CSMD1: variants seen among roughly 807,000 people sequenced by gnomAD.
CSMD1 encodes the protein CUB and Sushi multiple domains 1.
In CSMD1, 213 loss-of-function variants were observed where a neutral mutation model predicts 417.5. The ratio of observed to expected loss-of-function variants is 0.51; its 90% CI spans 0.46 to 0.57. The LOEUF (loss-of-function observed/expected upper bound fraction) is 0.57, where lower values mean the gene tolerates loss of function less well. Ranked by LOEUF, CSMD1 falls within the 20% of genes least tolerant of loss-of-function variation. The pLI, the probability that CSMD1 is intolerant of heterozygous loss-of-function variation, is 0.00. For synonymous variants in CSMD1, 2,862 were observed against 1,736.8 expected, an observed-to-expected ratio of 1.65 and a Z score of -16.11; for missense variants, 6,923 against 4,529.7, an observed-to-expected ratio of 1.53 and a Z score of -15.17.
chr8:4,895,694 T>A (rs1455037909), intron 1 of CSMD1, among the ~76,000 whole-genome samples: 1 of 147,144 alleles, frequency 6.8e-6, no homozygotes, highest in Admixed American at 6.8e-5. Flanking sequence ...CCTTCCCTGA[T>A]TTTTTTTTTT....
intron 41 of CSMD1, chr8:3,128,353 C>T (rs193018201): frequency 1.3e-5 from 2 of 152,606 alleles, no homozygotes; most frequent in Non-Finnish European, 2.9e-5. Flanking sequence ...TTGATTTTAC[C>T]AAAGTTCTTA....
chr8:4,580,547 C>A (rs532944984), intron 2 of CSMD1, among the ~76,000 whole-genome samples: 1 of 152,236 alleles, frequency 6.6e-6, no homozygotes, highest in Admixed American at 6.5e-5. Context: ...TGAGTTGTTC[C>A]CCATGTCGGG....
At chr8:4,461,548 T>C (rs1163095293) in intron 2 of CSMD1, among the ~76,000 whole-genome samples, 1 of 104,738 alleles carries the variant, frequency 9.5e-6, no homozygotes, top group Admixed American at 1.1e-4. Flanking sequence ...TATTTTTTTT[T>C]GGTGGGTGGG....
intron 2 of CSMD1, among the ~76,000 whole-genome samples, chr8:4,461,315 G>A (rs191093535): frequency 1.3e-5 from 2 of 151,990 alleles, no homozygotes; most frequent in East Asian, 1.9e-4. Flanking sequence ...CCTAAAATCA[G>A]CAATAAGACA....
intron 3 of CSMD1, among the ~76,000 whole-genome samples, chr8:4,041,015 TCC>T (rs766611370): frequency 0.15 from 19,314 of 125,804 alleles, 2,073 homozygotes; most frequent in East Asian, 0.42. Flanking sequence ...TTTTTTTTTT[TCC>T]TTTTTTTTTT....
intron 6 of CSMD1, among the ~76,000 whole-genome samples, chr8:3,732,468 T>C (rs1564552): frequency 0.34 from 52,198 of 151,898 alleles, 9,323 homozygotes; most frequent in Non-Finnish European, 0.4. Flanking sequence ...GTAATTTAAC[T>C]ACAAAAAACA....
Position 3,142,499 on chromosome 8 carries a change from C to A in CSMD1, c.6207G>T (p.Ser2069=), listed in dbSNP as rs190880525. 8.1e-6 allele frequency: 13 copies of A among 1,613,852 alleles called. No homozygotes were observed. The highest frequency in any genetic ancestry group is 6.7e-5 in the East Asian group (3 of 44,876). The part of the protein sequence containing the change: ...ETLIHFYSDH[S]QNRQGFKLAY... ...CAAGTTTAAATCCTTGCCGGTTTTG[C>A]GAATGGTCACTATAAAAGTGGATGA... The change falls in exon 41 of 70, where the codon TCG becomes TCT. Residue 2069 remains serine (S), a synonymous_variant. Transcript: ENST00000635120.
chr8:3,858,939 T>G (rs1804503850), intron 5 of CSMD1, among the ~76,000 whole-genome samples: 1 of 152,174 alleles, frequency 6.6e-6, no homozygotes, highest in Admixed American at 6.6e-5. Context: ...TGAAGTCAGT[T>G]TCAGCAGTGG....
At chr8:3,274,912 C>T (rs1037845604) in intron 26 of CSMD1, among the ~76,000 whole-genome samples, 6 of 152,112 alleles carry the variant, frequency 3.9e-5, no homozygotes, top group African/African-American at 1.4e-4. Context: ...TTAATTGGTG[C>T]ATTTAGTCCA....
intron 22 of CSMD1, 68 bp downstream of exon 22, chr8:3,347,924 A>G: frequency 2.7e-6 from 3 of 1,099,442 alleles, no homozygotes; most frequent in Non-Finnish European, 3.9e-6. Flanking sequence ...TATGTAGAAA[A>G]ATAGATAGAC....
intron 23 of CSMD1, among the ~76,000 whole-genome samples, chr8:3,314,183 A>G (rs1177540375): frequency 2.0e-5 from 3 of 152,202 alleles, no homozygotes; most frequent in Non-Finnish European, 4.4e-5. Flanking sequence ...TGACTAGTTA[A>G]TGGGTGCAGC....
Position 3,592,874 on chromosome 8 carries a change from C to G in CSMD1, c.1098-6614G>C, listed in dbSNP as rs1032881845. On this transcript the variant is annotated intron_variant, in intron 8 of 69. Coordinates refer to ENST00000635120, the MANE Select transcript of CSMD1 (RefSeq NM_033225.6). ...AAAGGAGATGTGATGGTAGGTTCTCCCACTTCCTGCTTCTCCACTATAAGA... is the reference window on the plus strand; with the variant it reads ...AAAGGAGATGTGATGGTAGGTTCTCGCACTTCCTGCTTCTCCACTATAAGA... Among the ~76,000 whole-genome samples the G allele has an allele frequency of 2.0e-5, 3 of 152,146 alleles. 1 individual carries two copies. The highest frequency in any genetic ancestry group is 2.0e-4 in the Admixed American group (3 of 15,294).
Position 3,292,919 on chromosome 8 carries a change from TC to T in CSMD1, c.3951-8574del, listed in dbSNP as rs557754813. Among the ~76,000 whole-genome samples, 66 of 151,986 alleles carry T rather than the reference TC, an allele frequency of 4.3e-4. 1 individual carries two copies. Among genetic ancestry groups the T allele is most frequent in the Admixed American group, 3.5e-3 (53 of 15,258 alleles). ...GTTAGTTGATGCAGTTTCTTCCTAG[TC>T]TCGATGGTCTTTACATTTTGGCATG... is the stretch of plus-strand genomic sequence containing the variant. On this transcript the variant is annotated intron_variant, in intron 25 of 69. Transcript: ENST00000635120.
intron 2 of CSMD1, among the ~76,000 whole-genome samples, chr8:4,469,110 G>C (rs991369092): frequency 6.6e-6 from 1 of 152,116 alleles, no homozygotes; most frequent in Non-Finnish European, 1.5e-5. Flanking sequence ...AGTTTGGTGT[G>C]GCCTCCCTGG....
At chr8:4,033,919 A>C (rs913501522) in intron 3 of CSMD1, among the ~76,000 whole-genome samples, 3 of 152,206 alleles carry the variant, frequency 2.0e-5, no homozygotes, top group African/African-American at 7.2e-5. Context: ...TCCATATCTA[A>C]GGTTTAAATT....
chr8:4,069,795 G>C (rs62501268), intron 3 of CSMD1, among the ~76,000 whole-genome samples: 86 of 152,194 alleles, frequency 5.7e-4, no homozygotes, highest in South Asian at 1.0e-3. Context: ...TGTTAAACAC[G>C]TAATTACTCG....
At chr8:3,781,548 C>T (rs1333587532) in intron 5 of CSMD1, among the ~76,000 whole-genome samples, 1 of 152,152 alleles carries the variant, frequency 6.6e-6, no homozygotes, top group Non-Finnish European at 1.5e-5. Context: ...TCTGCTTACA[C>T]ACTGCTACTC....
chr8:3,581,313 T>G (rs1402407687), intron 9 of CSMD1, among the ~76,000 whole-genome samples: 1 of 152,234 alleles, frequency 6.6e-6, no homozygotes, highest in Non-Finnish European at 1.5e-5. Context: ...TCATAATGGT[T>G]GTTTTCATAT....
At chr8:4,038,274 G>C (rs1488064816) in intron 3 of CSMD1, among the ~76,000 whole-genome samples, 1 of 152,056 alleles carries the variant, frequency 6.6e-6, no homozygotes, top group Non-Finnish European at 1.5e-5. Context: ...GAATAAATTA[G>C]AATATTTTCT....
Sources: allele counts gnomAD v4.1 joint callset (sites outside exome capture counted in the v4.1 genomes callset), GRCh38; gene constraint gnomAD v4.1.1; transcripts MANE v1.5; gene names NCBI Gene and HGNC (gene_info 2026-07-23, HGNC 2026-07-21).